PEAK1: variants seen among roughly 807,000 people sequenced by gnomAD.
PEAK1 encodes pseudopodium enriched atypical kinase 1.
In PEAK1, 54 loss-of-function variants were observed where a neutral mutation model predicts 124.7. The observed-to-expected ratio is 0.43, with a 90% CI of 0.35 to 0.54. The LOEUF (loss-of-function observed/expected upper bound fraction) is 0.54. Among genes scored for constraint, PEAK1 ranks in the 20% least tolerant of loss-of-function variants. The probability of loss-of-function intolerance (pLI) is 0.01; values close to 1 mark genes in which losing one functional copy is unlikely to be tolerated. For synonymous variants in PEAK1, 719 were observed against 760.0 expected, an observed-to-expected ratio of 0.95 and a Z score of 0.89; for missense variants, 2,046 against 2,134.5, an observed-to-expected ratio of 0.96 and a Z score of 0.82.
At chr15:77,252,583 G>A (rs1017758547) in intron 5 of PEAK1, 57 bp from the exon 6 acceptor site, 47 of 868,836 alleles carry the variant, frequency 5.4e-5, no homozygotes, top group Non-Finnish European at 6.5e-5. Context: ...CAAATATATT[G>A]GACATCTTTT....
chr15:77,116,429 A>G (rs2051369078), intron 9 of PEAK1, among the ~76,000 whole-genome samples: 2 of 152,226 alleles, frequency 1.3e-5, no homozygotes, highest in African/African-American at 4.8e-5. Flanking sequence ...ACAATAATAC[A>G]GAAAAGCAAA....
chr15:77,227,980 A>G (rs371484951), intron 6 of PEAK1, among the ~76,000 whole-genome samples: 7 of 152,250 alleles, frequency 4.6e-5, no homozygotes, highest in East Asian at 3.9e-4. Flanking sequence ...TGGGAGATAC[A>G]GTGAGACACT....
chr15:77,255,421 T>C (rs1348871590), intron 5 of PEAK1: 14 of 967,780 alleles, frequency 1.4e-5, no homozygotes, highest in Non-Finnish European at 1.7e-5. Context: ...AGTTCTTCTC[T>C]CCCTGCATTA....
At chr15:77,403,614 C>T (rs2071555622) in intron 1 of PEAK1, 4 of 918,942 alleles carry the variant, frequency 4.4e-6, no homozygotes, top group Non-Finnish European at 5.2e-6. Flanking sequence ...ATATATCATA[C>T]CCTATACTAA....
intron 6 of PEAK1, among the ~76,000 whole-genome samples, chr15:77,247,914 T>C (rs2060671174): frequency 6.6e-6 from 1 of 152,158 alleles, no homozygotes; most frequent in Non-Finnish European, 1.5e-5. Context: ...ATGCCTGTAG[T>C]TTTCTTTCTT....
intron 2 of PEAK1, among the ~76,000 whole-genome samples, chr15:77,314,094 A>T (rs1047121104): frequency 6.6e-6 from 1 of 152,240 alleles, no homozygotes; most frequent in East Asian, 1.9e-4. Flanking sequence ...GATGTATTTT[A>T]AAACTTTTGT....
At chr15:77,174,784 G>A (rs944013651) in intron 7 of PEAK1, among the ~76,000 whole-genome samples, 15 of 152,184 alleles carry the variant, frequency 9.9e-5, no homozygotes, top group East Asian at 1.9e-4. Context: ...AAAAGAGCCC[G>A]CATTGCCAAG....
At chr15:77,298,006 C>A (rs1488834447) in intron 2 of PEAK1, among the ~76,000 whole-genome samples, 1 of 124,592 alleles carries the variant, frequency 8.0e-6, no homozygotes, top group Non-Finnish European at 1.6e-5. Flanking sequence ...TGCAGTGAGC[C>A]GAGATTGCGC....
intron 8 of PEAK1, among the ~76,000 whole-genome samples, chr15:77,144,656 G>A (rs958308150): frequency 2.0e-5 from 3 of 152,152 alleles, no homozygotes; most frequent in Non-Finnish European, 4.4e-5. Flanking sequence ...AGCAGGATAC[G>A]ATCTCCTGGG....
At chr15:77,308,661 G>A (rs937428152) in intron 2 of PEAK1, among the ~76,000 whole-genome samples, 3 of 151,976 alleles carry the variant, frequency 2.0e-5, no homozygotes, top group African/African-American at 7.2e-5. Context: ...ACTGAGCACC[G>A]AGGTTTACGA....
rs2051134467 is a variant in PEAK1 at position 77,113,995 on chromosome 15, G to A, written c.*161C>T. The A allele has an allele frequency of 1.4e-6, 1 of 707,654 alleles. No homozygotes were observed. The allele number at this position is 707,654 out of a possible 1,614,324, so 43.8% of individuals were successfully genotyped here. ...CAGACTCAGCTTCTCATTCAATCTG[G>A]GGCAGTGGATAACCTTTCTGAATAG... On this transcript the variant is annotated 3_prime_UTR_variant, in exon 10 of 10. Transcript: ENST00000682557.
At chr15:77,236,465 T>C (rs892399419) in intron 6 of PEAK1, among the ~76,000 whole-genome samples, 6 of 152,246 alleles carry the variant, frequency 3.9e-5, no homozygotes, top group African/African-American at 1.4e-4. Context: ...TTCTCCCACT[T>C]GGAATGGGTG....
chr15:77,123,408 C>T (rs993240903), intron 9 of PEAK1, among the ~76,000 whole-genome samples: 127 of 152,244 alleles, frequency 8.3e-4, no homozygotes, highest in Non-Finnish European at 3.1e-4. Flanking sequence ...TGTCATTTTT[C>T]CATCAAGAAA....
At chr15:77,199,554 C>A (rs1184316360) in intron 6 of PEAK1, among the ~76,000 whole-genome samples, 2 of 152,182 alleles carry the variant, frequency 1.3e-5, no homozygotes, top group African/African-American at 4.8e-5. Flanking sequence ...AAGCCCCAAA[C>A]AATAAATTCC....
chr15:77,244,163 T>A (rs770531316), intron 6 of PEAK1, among the ~76,000 whole-genome samples: 3 of 152,192 alleles, frequency 2.0e-5, no homozygotes, highest in Non-Finnish European at 4.4e-5. Context: ...CTGTATAGAA[T>A]GGCTAGCAAC....
At chr15:77,364,416 C>G (rs1347481635) in intron 2 of PEAK1, among the ~76,000 whole-genome samples, 2 of 151,910 alleles carry the variant, frequency 1.3e-5, no homozygotes, top group Non-Finnish European at 2.9e-5. Context: ...TAAAATAATC[C>G]TTAAGGAATG....
chr15:77,389,225 G>T (rs919399018), intron 1 of PEAK1, among the ~76,000 whole-genome samples: 10 of 152,054 alleles, frequency 6.6e-5, no homozygotes, highest in African/African-American at 2.4e-4. Flanking sequence ...AAAGTGTTGG[G>T]ATTACAGGCA....
chr15:77,313,652 A>ATGTATG (rs1469429790), intron 2 of PEAK1, among the ~76,000 whole-genome samples: 980 of 90,590 alleles, frequency 0.011, 12 homozygotes, highest in Non-Finnish European at 0.016. Flanking sequence ...GTATGTATGT[A>ATGTATG]TGTGTGTGTG....
chr15:77,224,849 T>A (rs1376379922), intron 6 of PEAK1, among the ~76,000 whole-genome samples: 1 of 151,980 alleles, frequency 6.6e-6, no homozygotes, highest in Non-Finnish European at 1.5e-5. Flanking sequence ...TGGATGATTT[T>A]TTTTCTCTGT....
Sources: allele counts gnomAD v4.1 joint callset (sites outside exome capture counted in the v4.1 genomes callset), GRCh38; gene constraint gnomAD v4.1.1; transcripts MANE v1.5; gene names NCBI Gene and HGNC (gene_info 2026-07-23, HGNC 2026-07-21).